SORCS3: variants seen among roughly 807,000 people sequenced by gnomAD.
The protein encoded by SORCS3 is sortilin related VPS10 domain containing receptor 3.
In SORCS3, 57 loss-of-function variants were observed where a neutral mutation model predicts 146.3. That is an observed-to-expected ratio of 0.39 (90% CI 0.31 to 0.49). The LOEUF (loss-of-function observed/expected upper bound fraction) is 0.49, where lower values mean the gene tolerates loss of function less well. Among genes scored for constraint, SORCS3 ranks in the 20% least tolerant of loss-of-function variants. SORCS3 has a pLI of 0.92. For missense variants in SORCS3, 1,341 were observed against 1,575.5 expected, an observed-to-expected ratio of 0.85 and a Z score of 2.52; for synonymous variants, 653 against 618.5, an observed-to-expected ratio of 1.06 and a Z score of -0.83.
intron 4 of SORCS3, among the ~76,000 whole-genome samples, chr10:105,037,606 G>C (rs907519865): frequency 6.6e-6 from 1 of 152,008 alleles, no homozygotes; most frequent in Non-Finnish European, 1.5e-5. Flanking sequence ...CTTTACGTAG[G>C]ATTCCCTGTC....
At chr10:104,923,213 C>T (rs1218082173) in intron 3 of SORCS3, among the ~76,000 whole-genome samples, 1 of 152,214 alleles carries the variant, frequency 6.6e-6, no homozygotes, top group African/African-American at 2.4e-5. Flanking sequence ...TTTCAGAGGG[C>T]TTTGCAGTAC....
chr10:105,133,243 C>T (rs919889600), intron 7 of SORCS3, among the ~76,000 whole-genome samples: 5 of 152,220 alleles, frequency 3.3e-5, no homozygotes, highest in Non-Finnish European at 7.3e-5. Context: ...GAGAGTTCTT[C>T]ACTACATCTG....
intron 1 of SORCS3, among the ~76,000 whole-genome samples, chr10:104,688,318 C>G (rs899237018): frequency 1.3e-5 from 2 of 152,166 alleles, no homozygotes; most frequent in Non-Finnish European, 2.9e-5. Context: ...AGGGACGATT[C>G]GGGTGAAGGG....
At chr10:104,832,119 C>A (rs1029753577) in intron 1 of SORCS3, among the ~76,000 whole-genome samples, 2 of 152,160 alleles carry the variant, frequency 1.3e-5, no homozygotes, top group Admixed American at 1.3e-4. Flanking sequence ...TAGAATAATT[C>A]AAACCGTCAT....
intron 1 of SORCS3, among the ~76,000 whole-genome samples, chr10:104,806,610 T>TA (rs1231671254): frequency 1.3e-5 from 2 of 152,144 alleles, no homozygotes; most frequent in African/African-American, 4.8e-5. Context: ...AAAAGGGAAA[T>TA]AACGTAAGTT....
chr10:105,022,136 T>C (rs1228409782), intron 4 of SORCS3, among the ~76,000 whole-genome samples: 1 of 152,114 alleles, frequency 6.6e-6, no homozygotes, highest in African/African-American at 2.4e-5. Context: ...GTCATCCCTT[T>C]ATCAAAACCT....
chr10:104,789,809 C>T (rs756243066), intron 1 of SORCS3, among the ~76,000 whole-genome samples: 6 of 152,206 alleles, frequency 3.9e-5, no homozygotes, highest in African/African-American at 7.2e-5. Context: ...TGCCACCACC[C>T]ACCCTCACAT....
chr10:104,887,300 G>C (rs538482959), intron 2 of SORCS3, among the ~76,000 whole-genome samples: 4 of 152,206 alleles, frequency 2.6e-5, no homozygotes, highest in African/African-American at 9.6e-5. Flanking sequence ...AGAAAGAGCT[G>C]GGCAGAGAGG....
intron 3 of SORCS3, among the ~76,000 whole-genome samples, chr10:104,976,837 C>G (rs926738698): frequency 3.3e-5 from 5 of 151,924 alleles, no homozygotes; most frequent in African/African-American, 1.2e-4. Context: ...CATATTCTCA[C>G]TCATAGGTGG....
chr10:104,880,612 T>C (rs542747293), intron 2 of SORCS3, among the ~76,000 whole-genome samples: 4 of 88,674 alleles, frequency 4.5e-5, no homozygotes, highest in African/African-American at 2.0e-4. Flanking sequence ...TAACATCTTA[T>C]CCCGTAGGTT....
rs1363306269 is a variant in SORCS3 at position 105,247,248 on chromosome 10, TCTCCTAATC to T, written c.3023_3031del (p.Ser1008_Asn1010del). 6.2e-7 allele frequency: 1 copy of T among 1,608,152 alleles called. No homozygotes were observed. The highest frequency in any genetic ancestry group is 8.5e-7 in the Non-Finnish European group (1 of 1,175,806). ...TTTCCAGTCCCAGCTTTTATCATTC[TCTCCTAATC>T]TGGATTACCACAATCCTGACATTCC... On this transcript the variant is annotated inframe_deletion, in exon 22 of 27. Coordinates refer to ENST00000369701, the MANE Select transcript of SORCS3 (RefSeq NM_014978.3).
chr10:104,652,186 C>G (rs1390687624), intron 1 of SORCS3, among the ~76,000 whole-genome samples: 2 of 152,056 alleles, frequency 1.3e-5, no homozygotes, highest in African/African-American at 4.8e-5. Context: ...TAGATTTGGT[C>G]TTACTTCAAG....
chr10:105,112,367 G>A (rs1186037559), intron 7 of SORCS3, among the ~76,000 whole-genome samples: 1 of 152,144 alleles, frequency 6.6e-6, no homozygotes, highest in Admixed American at 6.6e-5. Context: ...CGGGCTTTAT[G>A]GAGAAGGTAA....
chr10:105,085,240 T>C (rs370164509), intron 5 of SORCS3, among the ~76,000 whole-genome samples: 1 of 152,190 alleles, frequency 6.6e-6, no homozygotes, highest in African/African-American at 2.4e-5. Flanking sequence ...AGTGCCAACA[T>C]TGAAAAGCCC....
chr10:105,098,973 A>C (rs1007335254), intron 6 of SORCS3, among the ~76,000 whole-genome samples: 2 of 152,228 alleles, frequency 1.3e-5, no homozygotes, highest in African/African-American at 4.8e-5. Context: ...GGAGATGAGA[A>C]GTTTCACCAA....
At chr10:105,080,708 T>A (rs2055618707) in intron 5 of SORCS3, among the ~76,000 whole-genome samples, 2 of 152,212 alleles carry the variant, frequency 1.3e-5, no homozygotes. Flanking sequence ...CATCTTGAGT[T>A]GATTTTTGTG....
rs753517391 is a variant in SORCS3, at chr10:105,247,300, T to C, written c.3074T>C (p.Ile1025Thr). 1 of 1,611,622 alleles carries C rather than the reference T, an allele frequency of 6.2e-7. No homozygotes were observed. The highest frequency in any genetic ancestry group is 1.1e-5 in the South Asian group (1 of 90,882). Residue 1025 changes from isoleucine (I) to threonine (T), a missense_variant, in exon 22 of 27, where the codon ATT becomes ACT. Coordinates refer to ENST00000369701, the MANE Select transcript of SORCS3 (RefSeq NM_014978.3). ...NPDIPEWRKD[I>T]GNVIKRALVK... ...GACATTCCTGAGTGGAGAAAAGATATTGGCAATGTCATCAAGCGAGCTCTG... is the reference window on the plus strand; with the variant it reads ...GACATTCCTGAGTGGAGAAAAGATACTGGCAATGTCATCAAGCGAGCTCTG...
At position 104,641,378 on chromosome 10, in the gene SORCS3, T is replaced by A; in HGVS notation, c.51T>A (p.Leu17=). 7.0e-7 allele frequency: 1 copy of A among 1,427,904 alleles called. No individual in the cohort carries two copies. The allele number at this position is 1,427,904 out of a possible 1,614,324, so 88.5% of individuals were successfully genotyped here. ...ERPAGRPGAP[L]VRTGLLLLST... is the part of the protein sequence containing the mutation. ...CCGCAGGCAGGCCGGGGGCGCCGCT[T>A]GTCCGGACGGGGCTCCTACTCTTGT... The change falls in exon 1 of 27, where the codon CTT becomes CTA. Residue 17 remains leucine (L), a synonymous_variant. Transcript: ENST00000369701. The surrounding 1 kb of genome is among the most constrained non-coding windows in gnomAD (Gnocchi z 6.4).
chr10:104,733,683 G>A (rs1472377129), intron 1 of SORCS3, among the ~76,000 whole-genome samples: 2 of 152,274 alleles, frequency 1.3e-5, no homozygotes, highest in East Asian at 3.9e-4. Context: ...AAATAAAGCA[G>A]CTTTGGAGTG....
Sources: gnomAD v4.1 joint callset for allele counts (sites outside exome capture counted in the v4.1 genomes callset) on GRCh38, gnomAD v4.1.1 for gene constraint, Gnocchi (gnomAD v3.1) non-coding constraint, MANE v1.5 for transcripts, NCBI Gene and HGNC (gene_info 2026-07-23, HGNC 2026-07-21) for gene names.